The following SRGAP2C variants were observed in gnomAD, a reference collection of about 807,000 sequenced individuals.
SRGAP2C encodes the protein SLIT-ROBO Rho GTPase activating protein 2C, also known as SLIT-ROBO Rho GTPase-activating protein 2C.
Under a neutral mutation model 25.1 loss-of-function variants are expected in SRGAP2C, and 15 were observed. The observed-to-expected ratio is 0.60, with a 90% CI of 0.40 to 0.92. The LOEUF is 0.92. Ranked by LOEUF, SRGAP2C falls within the 40% of genes least tolerant of loss-of-function variation. The probability of loss-of-function intolerance (pLI) is 0.00; values close to 1 mark genes in which losing one functional copy is unlikely to be tolerated. For missense variants in SRGAP2C, 144 were observed against 264.4 expected, an observed-to-expected ratio of 0.54 and a Z score of 3.16; for synonymous variants, 44 against 96.6, an observed-to-expected ratio of 0.46 and a Z score of 3.19.
At chr1:121,334,335 AT>A (rs1224867170) in intron 4 of SRGAP2C, among the ~76,000 whole-genome samples, 6 of 91,106 alleles carry the variant, frequency 6.6e-5, no homozygotes, top group Non-Finnish European at 1.3e-4. Flanking sequence ...GAATCAGATA[AT>A]TTTTTTCAAC....
chr1:121,270,960 T>A (rs1195504929), intron 2 of SRGAP2C, among the ~76,000 whole-genome samples: 1 of 150,894 alleles, frequency 6.6e-6, no homozygotes, highest in Non-Finnish European at 1.5e-5. Flanking sequence ...GCCCAGCTAC[T>A]TTTTTTGTAT....
chr1:121,357,013 G>A (rs1488152767), intron 4 of SRGAP2C, among the ~76,000 whole-genome samples: 4 of 150,040 alleles, frequency 2.7e-5, no homozygotes, highest in Admixed American at 6.6e-5. Context: ...CCCTTGTCCC[G>A]AGTATGCCTG....
At chr1:121,366,079 TCA>T (rs1659313338) in intron 5 of SRGAP2C, among the ~76,000 whole-genome samples, 2 of 133,366 alleles carry the variant, frequency 1.5e-5, no homozygotes, top group Non-Finnish European at 3.2e-5. Flanking sequence ...AAACACACAC[TCA>T]CACACATACA....
intron 4 of SRGAP2C, among the ~76,000 whole-genome samples, chr1:121,337,658 T>C (rs1658547417): frequency 7.4e-6 from 1 of 134,284 alleles, no homozygotes; most frequent in Admixed American, 7.5e-5. Flanking sequence ...AATAAATAAA[T>C]AAAATAAAAA....
chr1:121,360,765 A>C (rs1178423916), intron 4 of SRGAP2C: 1 of 125,376 alleles, frequency 8.0e-6, no homozygotes, highest in Non-Finnish European at 1.7e-5. Flanking sequence ...CCACCACCTT[A>C]TGTATGGTGG....
intron 4 of SRGAP2C, among the ~76,000 whole-genome samples, chr1:121,345,871 G>A (rs1406167958): frequency 1.4e-5 from 2 of 138,318 alleles, no homozygotes; most frequent in African/African-American, 2.7e-5. Flanking sequence ...GGCTAGTCTC[G>A]AACTCTTGAC....
Position 121,258,417 on chromosome 1 carries a change from C to T in SRGAP2C, c.68-26386C>T, listed in dbSNP as rs587692922. ...CTGTTGAAGTTCCAGGATTGGATAT[C>T]CAAGCTGTTGGCTTTTAGGATACAT... On this transcript the variant is annotated intron_variant, in intron 2 of 9. Coordinates refer to ENST00000367123, the MANE Select transcript of SRGAP2C (RefSeq NM_001329984.2). Among the ~76,000 whole-genome samples, 9 of 147,296 alleles carry T rather than the reference C, an allele frequency of 6.1e-5. No homozygotes were observed. The South Asian group carries it at 1.5e-3, about 24-fold the overall frequency.
At chr1:121,295,479 G>A (rs1657574434) in intron 3 of SRGAP2C, among the ~76,000 whole-genome samples, 1 of 151,320 alleles carries the variant, frequency 6.6e-6, no homozygotes, top group South Asian at 2.1e-4. Flanking sequence ...TGTCCATTTA[G>A]CAAATATATA....
At chr1:121,201,620 A>G (rs1570700198) in intron 2 of SRGAP2C, among the ~76,000 whole-genome samples, 2 of 152,380 alleles carry the variant, frequency 1.3e-5, no homozygotes, top group South Asian at 4.1e-4. Flanking sequence ...CCATACACAC[A>G]AATACTCTAA....
intron 4 of SRGAP2C, among the ~76,000 whole-genome samples, chr1:121,365,014 T>C (rs1659287625): frequency 1.6e-5 from 1 of 61,744 alleles, no homozygotes; most frequent in African/African-American, 6.0e-5. Context: ...AGGATGTGGC[T>C]TTCAGGCCTG....
chr1:121,332,607 G>A (rs1183246016), intron 4 of SRGAP2C, among the ~76,000 whole-genome samples: 13 of 151,144 alleles, frequency 8.6e-5, no homozygotes, highest in Non-Finnish European at 1.8e-4. Context: ...CAAGAGAATT[G>A]CCACAACAGT....
At chr1:121,360,918 T>G (rs1371618426) in intron 4 of SRGAP2C, 1 of 148,130 alleles carries the variant, frequency 6.8e-6, no homozygotes, top group East Asian at 2.1e-4. Context: ...TAGTGGTTGT[T>G]GGGGAGATAT....
chr1:121,217,529 G>A (rs587621609), intron 2 of SRGAP2C, among the ~76,000 whole-genome samples: 3 of 149,504 alleles, frequency 2.0e-5, no homozygotes, highest in Admixed American at 2.0e-4. Context: ...GAAAAAAAGA[G>A]GGTTATTTTT....
At chr1:121,210,313 G>A (rs1223443943) in intron 2 of SRGAP2C, among the ~76,000 whole-genome samples, 11 of 81,280 alleles carry the variant, frequency 1.4e-4, no homozygotes, top group South Asian at 5.9e-4. Flanking sequence ...TTCCATCAGC[G>A]CTTTAAAAAA....
chr1:121,216,951 A>T (rs1166789385), intron 2 of SRGAP2C, among the ~76,000 whole-genome samples: 2 of 147,690 alleles, frequency 1.4e-5, no homozygotes, highest in African/African-American at 2.5e-5. Context: ...CCACCAAGAC[A>T]GATGGCTGCC....
intron 4 of SRGAP2C, among the ~76,000 whole-genome samples, chr1:121,331,786 A>G (rs1162242840): frequency 6.7e-6 from 1 of 148,984 alleles, no homozygotes; most frequent in African/African-American, 2.5e-5. Context: ...GAGCTCAAAA[A>G]ACATTATGTT....
At chr1:121,231,040 T>G in intron 2 of SRGAP2C, among the ~76,000 whole-genome samples, 2 of 127,984 alleles carry the variant, frequency 1.6e-5, no homozygotes, top group South Asian at 3.1e-4. Flanking sequence ...TGTCGGGGGG[T>G]GAGAGGCAAG....
At chr1:121,350,377 T>C (rs1270858620) in intron 4 of SRGAP2C, among the ~76,000 whole-genome samples, 2 of 136,750 alleles carry the variant, frequency 1.5e-5, no homozygotes, top group African/African-American at 5.4e-5. Flanking sequence ...AGACCTAATA[T>C]ATCTCTCATC....
intron 2 of SRGAP2C, among the ~76,000 whole-genome samples, chr1:121,206,168 A>T (rs1408329553): frequency 2.0e-5 from 3 of 151,634 alleles, no homozygotes; most frequent in Non-Finnish European, 2.9e-5. Flanking sequence ...ACCCTAATAC[A>T]ATGATGGTTT....
Sources: allele counts gnomAD v4.1 joint callset (sites outside exome capture counted in the v4.1 genomes callset), GRCh38; gene constraint gnomAD v4.1.1; transcripts MANE v1.5; gene names NCBI Gene and HGNC (gene_info 2026-07-23, HGNC 2026-07-21).